MRTFA: variants seen among roughly 807,000 people sequenced by gnomAD.
MRTFA encodes myocardin related transcription factor A, also known as myocardin-related transcription factor A.
Under a neutral mutation model 83.5 loss-of-function variants are expected in MRTFA, and 20 were observed. That is an observed-to-expected ratio of 0.24 (90% confidence interval 0.17 to 0.35). The LOEUF (loss-of-function observed/expected upper bound fraction) is 0.35. MRTFA is among the 10% of genes least tolerant of loss of function. MRTFA has a pLI of 1.00. For synonymous variants in MRTFA, 659 were observed against 541.2 expected, an observed-to-expected ratio of 1.22 and a Z score of -3.02; for missense variants, 1,200 against 1,224.7, an observed-to-expected ratio of 0.98 and a Z score of 0.30.
At chr22:40,531,510 T>A (rs1479943788) in intron 3 of MRTFA, among the ~76,000 whole-genome samples, 1 of 152,150 alleles carries the variant, frequency 6.6e-6, no homozygotes, top group Non-Finnish European at 1.5e-5. Context: ...ATATTCAATA[T>A]CCTGAAGTTT....
chr22:40,410,700 C>T lies in MRTFA; in HGVS notation c.*690G>A. ...CCAGACTGGGCACCAGACTGTGGCA[C>T]ACAGCTCAAGGGTAACCTTGCATCC... is the stretch of plus-strand genomic sequence containing the variant. On this transcript the variant is annotated 3_prime_UTR_variant, in exon 15 of 15. Coordinates refer to ENST00000355630, the MANE Select transcript of MRTFA (RefSeq NM_020831.6). The T allele has an allele frequency of 4.3e-6, 1 of 233,336 alleles. No individual in the cohort carries two copies. The allele number at this position is 233,336 out of a possible 1,614,324, so 14.5% of individuals were successfully genotyped here.
intron 8 of MRTFA, 91 bp downstream of exon 8, chr22:40,424,115 C>G (rs1602220327): frequency 7.4e-7 from 1 of 1,354,988 alleles, no homozygotes; most frequent in South Asian, 1.6e-5. Context: ...TGTGCCAGAG[C>G]AGGAGGCATC....
At chr22:40,520,259 C>T (rs570848881) in intron 3 of MRTFA, among the ~76,000 whole-genome samples, 35 of 152,148 alleles carry the variant, frequency 2.3e-4, no homozygotes, top group Non-Finnish European at 4.4e-4. Flanking sequence ...GCAACTAATT[C>T]CAGAACATTT....
intron 3 of MRTFA, among the ~76,000 whole-genome samples, chr22:40,543,066 G>A (rs541747531): frequency 6.6e-6 from 1 of 152,226 alleles, no homozygotes; most frequent in Admixed American, 6.5e-5. Context: ...GAATGAAGTA[G>A]GTCATGAAAT....
At position 40,549,815 on chromosome 22, in the gene MRTFA, G is replaced by A. The variant is rs557958268; in HGVS notation, c.241+2291C>T. ...GCCTATAATCCCAGCACTTTGGGGG[G>A]CCAAGGAGGGCAGATCACCTGAGGC... is the stretch of plus-strand genomic sequence containing the variant. On this transcript the variant is annotated intron_variant, in intron 3 of 14. Transcript: ENST00000355630. 7.9e-5 allele frequency among the ~76,000 whole-genome samples: 12 copies of A among 152,294 alleles called. No individual in the cohort carries two copies. In the East Asian group the frequency reaches 2.3e-3, roughly 29 times the overall value.
chr22:40,634,544 G>C lies in MRTFA; in HGVS notation c.-84+1934C>G, dbSNP rs529880859. On this transcript the variant is annotated intron_variant, in intron 1 of 14. Coordinates refer to ENST00000355630, the MANE Select transcript of MRTFA (RefSeq NM_020831.6). Reference sequence around the variant, plus strand: ...ACTCTCCCAGTGAAGTCTGGATTTAGAGTGTATTTCAGCGCGTTACAATCA... The same window carrying C: ...ACTCTCCCAGTGAAGTCTGGATTTACAGTGTATTTCAGCGCGTTACAATCA... Among the ~76,000 whole-genome samples, 37 of 152,310 alleles carry C rather than the reference G, an allele frequency of 2.4e-4. No homozygotes were observed. In the South Asian group the frequency reaches 7.2e-3, roughly 30 times the overall value.
chr22:40,452,959 C>T (rs1245064094), intron 4 of MRTFA, among the ~76,000 whole-genome samples: 1 of 152,132 alleles, frequency 6.6e-6, no homozygotes, highest in East Asian at 1.9e-4. Context: ...TTGTTGGCAA[C>T]TGGCCAAGAA....
At chr22:40,453,595 ATT>A (rs745512642) in intron 4 of MRTFA, among the ~76,000 whole-genome samples, 1 of 152,088 alleles carries the variant, frequency 6.6e-6, no homozygotes, top group East Asian at 1.9e-4. Context: ...GAGAGAGAGG[ATT>A]TGCCCTTGCC....
At chr22:40,630,515 T>C (rs1285344340) in intron 1 of MRTFA, among the ~76,000 whole-genome samples, 1 of 152,110 alleles carries the variant, frequency 6.6e-6, no homozygotes, top group African/African-American at 2.4e-5. Flanking sequence ...GCTGAATCCA[T>C]TTCTATTTCC....
At chr22:40,584,495 G>C (rs1366793728) in intron 2 of MRTFA, among the ~76,000 whole-genome samples, 1 of 152,200 alleles carries the variant, frequency 6.6e-6, no homozygotes, top group African/African-American at 2.4e-5. Context: ...CCAGCACTTT[G>C]GGAGGCTGAG....
intron 4 of MRTFA, among the ~76,000 whole-genome samples, chr22:40,440,674 A>T (rs976871633): frequency 6.6e-6 from 1 of 151,830 alleles, no homozygotes; most frequent in Non-Finnish European, 1.5e-5. Context: ...GGAGAGGGCA[A>T]CTCCTGTGTG....
intron 5 of MRTFA, 96 bp downstream of exon 5, chr22:40,435,403 G>T: frequency 7.3e-7 from 1 of 1,364,242 alleles, no homozygotes; most frequent in Non-Finnish European, 1.0e-6. Flanking sequence ...TGGCCTCAGA[G>T]TTCTATGGAA....
chr22:40,461,628 CAAAAAAA>C (rs71199287), intron 4 of MRTFA, among the ~76,000 whole-genome samples: 29 of 100,356 alleles, frequency 2.9e-4, no homozygotes, highest in Admixed American at 1.5e-3. Context: ...ACTAAAAATA[CAAAAAAA>C]AAAAAAAAAA....
intron 2 of MRTFA, among the ~76,000 whole-genome samples, chr22:40,553,683 T>G (rs1038224771): frequency 1.3e-5 from 2 of 152,178 alleles, no homozygotes; most frequent in Non-Finnish European, 2.9e-5. Flanking sequence ...GAACCTCTAC[T>G]AGGGCAGTAT....
chr22:40,470,714 C>G (rs371184651), intron 3 of MRTFA, among the ~76,000 whole-genome samples: 25 of 151,692 alleles, frequency 1.6e-4, no homozygotes, highest in African/African-American at 4.8e-4. Flanking sequence ...TTTGGGACGC[C>G]GAGAAAGGCA....
At chr22:40,574,434 A>C (rs930329014) in intron 2 of MRTFA, among the ~76,000 whole-genome samples, 2 of 147,008 alleles carry the variant, frequency 1.4e-5, no homozygotes, top group Non-Finnish European at 3.0e-5. Context: ...AGTTATTATT[A>C]TTATTATTTT....
chr22:40,601,464 C>T (rs771389235), intron 1 of MRTFA, among the ~76,000 whole-genome samples: 1 of 152,192 alleles, frequency 6.6e-6, no homozygotes, highest in Non-Finnish European at 1.5e-5. Context: ...CTGCCTTGAC[C>T]TCCTAAAGTG....
At position 40,416,700 on chromosome 22, in the gene MRTFA, T is replaced by C. The variant is rs944678438; in HGVS notation, c.2578+286A>G. Among the ~76,000 whole-genome samples, 1 of 152,218 alleles carries C rather than the reference T, an allele frequency of 6.6e-6. No individual in the cohort carries two copies. The highest frequency in any genetic ancestry group is 2.4e-5 in the African/African-American group (1 of 41,472). ...ATCTGCTTATTTCTTATATTTGTTG[T>C]CCACCTCCCCAGGCTGCACTGTGAG... On this transcript the variant is annotated intron_variant, in intron 14 of 14. Transcript: ENST00000355630. The surrounding 1 kb of genome is among the most constrained non-coding windows in gnomAD (Gnocchi z 4.2).
intron 3 of MRTFA, among the ~76,000 whole-genome samples, chr22:40,539,732 G>A (rs566492758): frequency 6.6e-6 from 1 of 151,828 alleles, no homozygotes; most frequent in Non-Finnish European, 1.5e-5. Context: ...TCGATCTCTT[G>A]ACCTCGTGAT....
Sources: allele counts gnomAD v4.1 joint callset (sites outside exome capture counted in the v4.1 genomes callset), GRCh38; gene constraint gnomAD v4.1.1; non-coding constraint Gnocchi (gnomAD v3.1); transcripts MANE v1.5; gene names NCBI Gene and HGNC (gene_info 2026-07-23, HGNC 2026-07-21).